The following FRMD3 variants were observed in gnomAD, a reference collection of about 807,000 sequenced individuals.
The protein encoded by FRMD3 is FERM domain-containing protein 3.
FRMD3 carries 33 observed loss-of-function variants against 70.2 expected under a neutral mutation model. The observed-to-expected ratio is 0.47, with a 90% CI of 0.36 to 0.63. The LOEUF (loss-of-function observed/expected upper bound fraction) is 0.63, where lower values mean the gene tolerates loss of function less well. FRMD3 is among the 20% of genes least tolerant of loss of function. FRMD3 has a pLI of 0.00. For missense variants in FRMD3, 632 were observed against 711.4 expected (o/e 0.89, Z 1.27); for synonymous variants, 279 against 255.9 (o/e 1.09, Z -0.86).
chr9:83,341,657 G>A (rs958693704), intron 5 of FRMD3, among the ~76,000 whole-genome samples: 4 of 151,960 alleles, frequency 2.6e-5, no homozygotes, highest in Admixed American at 6.6e-5. Context: ...CTTCAGTGTC[G>A]GTGAAGGGGC....
At chr9:83,267,237 A>G in intron 13 of FRMD3, 1 of 1,521,492 alleles carries the variant, frequency 6.6e-7, no homozygotes, top group Non-Finnish European at 8.9e-7. Flanking sequence ...GGCAGGACCC[A>G]CTGAATGAAT....
rs1273017312 is a variant in FRMD3 at position 83,323,567 on chromosome 9, T to C, written c.597-9820A>G. Among the ~76,000 whole-genome samples, 4 of 152,200 alleles carry C rather than the reference T, an allele frequency of 2.6e-5. No individual in the cohort carries two copies. In the South Asian group the frequency reaches 8.3e-4, roughly 32 times the overall value. On this transcript the variant is annotated intron_variant, in intron 6 of 13. Coordinates refer to ENST00000304195, the MANE Select transcript of FRMD3 (RefSeq NM_174938.6). ...GCTCATGCCCTCTTCATGTGCTGCCTTGCACCACTTCAGGACTCTGCAGAG... is the reference window on the plus strand; with the variant it reads ...GCTCATGCCCTCTTCATGTGCTGCCCTGCACCACTTCAGGACTCTGCAGAG...
intron 1 of FRMD3, among the ~76,000 whole-genome samples, chr9:83,513,639 G>A (rs537493378): frequency 6.6e-6 from 1 of 152,298 alleles, no homozygotes; most frequent in African/African-American, 2.4e-5. Flanking sequence ...TTATCATGAA[G>A]TAGAAAGAAA....
chr9:83,473,648 A>G (rs145754765), intron 1 of FRMD3, among the ~76,000 whole-genome samples: 5 of 152,348 alleles, frequency 3.3e-5, no homozygotes, highest in Non-Finnish European at 7.3e-5. Context: ...ACTTTCGCCA[A>G]CAAGAATAAC....
At chr9:83,486,207 T>C (rs552596738) in intron 1 of FRMD3, among the ~76,000 whole-genome samples, 15 of 152,300 alleles carry the variant, frequency 9.8e-5, no homozygotes, top group Admixed American at 5.2e-4. Context: ...TTTGAGATCA[T>C]TGGAGCTATA....
intron 10 of FRMD3, among the ~76,000 whole-genome samples, chr9:83,307,024 T>A (rs543662098): frequency 3.9e-5 from 6 of 152,182 alleles, no homozygotes; most frequent in Non-Finnish European, 8.8e-5. Context: ...AAAATAGAAA[T>A]CAGATCTAGT....
rs375321466 is a variant in FRMD3 at position 83,347,321 on chromosome 9, A to C, written c.374+2358T>G. ...ATTTTTTTTATATAATAGCTACCAA[A>C]AAATAATGCATCTCCCTTTAGTGTC... On this transcript the variant is annotated intron_variant, in intron 4 of 13. Coordinates refer to ENST00000304195, the MANE Select transcript of FRMD3 (RefSeq NM_174938.6). 3.9e-5 allele frequency among the ~76,000 whole-genome samples: 6 copies of C among 152,346 alleles called. No homozygotes were observed. In the East Asian group the frequency reaches 7.7e-4, roughly 20 times the overall value.
At chr9:83,388,035 C>T (rs563684049) in intron 2 of FRMD3, among the ~76,000 whole-genome samples, 243 of 152,286 alleles carry the variant, frequency 1.6e-3, no homozygotes, top group African/African-American at 5.6e-3. Flanking sequence ...GCCCTGCCAC[C>T]TTCGTCTCAC....
In FRMD3 at chr9:83,370,207, C is replaced by T. The variant is rs560310648; in HGVS notation, c.295+2706G>A. ...CTGGGGCTCTGTGACCAGACTCTTT[C>T]GATAAATTCATGGACAAGTCCCCAG... On this transcript the variant is annotated intron_variant, in intron 3 of 13. Transcript: ENST00000304195. 6.0e-4 allele frequency among the ~76,000 whole-genome samples: 91 copies of T among 152,256 alleles called. 1 individual carries two copies. The South Asian group carries it at 0.017, about 29-fold the overall frequency.
chr9:83,423,907 G>A (rs188712955), intron 1 of FRMD3, among the ~76,000 whole-genome samples: 16 of 152,106 alleles, frequency 1.1e-4, no homozygotes, highest in African/African-American at 3.4e-4. Context: ...TGCTAGCCCT[G>A]TTTCAAGTTC....
intron 3 of FRMD3, among the ~76,000 whole-genome samples, chr9:83,364,923 G>C (rs1344013170): frequency 6.6e-6 from 1 of 152,090 alleles, no homozygotes; most frequent in African/African-American, 2.4e-5. Context: ...CTTTACCATA[G>C]CCCATATTCT....
At chr9:83,297,467 T>C in intron 12 of FRMD3, 2 of 223,624 alleles carry the variant, frequency 8.9e-6, no homozygotes, top group Non-Finnish European at 1.8e-5. Context: ...GAGACTCAAG[T>C]TTCTTTGTCT....
chr9:83,491,046 A>G (rs144853423), intron 1 of FRMD3, among the ~76,000 whole-genome samples: 52 of 152,292 alleles, frequency 3.4e-4, no homozygotes, highest in African/African-American at 1.1e-3. Flanking sequence ...ATATTAGCCT[A>G]TTGAAGTCTC....
chr9:83,435,525 G>A (rs1418525855), intron 1 of FRMD3, among the ~76,000 whole-genome samples: 1 of 151,966 alleles, frequency 6.6e-6, no homozygotes, highest in Non-Finnish European at 1.5e-5. Context: ...TCGTTGAGAA[G>A]GCACAGAGTC....
At chr9:83,496,640 G>A (rs1046951180) in intron 1 of FRMD3, among the ~76,000 whole-genome samples, 17 of 95,698 alleles carry the variant, frequency 1.8e-4, no homozygotes, top group Admixed American at 1.2e-3. Flanking sequence ...CCCCTTGAAA[G>A]CAGATTAAAA....
intron 1 of FRMD3, among the ~76,000 whole-genome samples, chr9:83,478,345 A>G (rs779838225): frequency 6.6e-5 from 10 of 152,194 alleles, no homozygotes; most frequent in South Asian, 2.1e-4. Flanking sequence ...GAACATATGC[A>G]TACTCTTCTA....
At position 83,299,095 on chromosome 9, in the gene FRMD3, G is replaced by T; in HGVS notation, c.1001+17C>A. Reference sequence around the variant, plus strand: ...CCATCCCCACCCCCTCACTGAAATGGAACCATTGGTACCCACCTATATCGA... The same window carrying T: ...CCATCCCCACCCCCTCACTGAAATGTAACCATTGGTACCCACCTATATCGA... On this transcript the variant is annotated intron_variant, in intron 11 of 13. Transcript: ENST00000304195. 3 of 1,570,868 alleles carry T rather than the reference G, an allele frequency of 1.9e-6. No individual in the cohort carries two copies. The highest frequency in any genetic ancestry group is 2.6e-6 in the Non-Finnish European group (3 of 1,141,148).
chr9:83,415,506 G>A (rs978240922), intron 1 of FRMD3, among the ~76,000 whole-genome samples: 36 of 146,544 alleles, frequency 2.5e-4, no homozygotes, highest in East Asian at 4.1e-4. Context: ...GCAGTGGCGC[G>A]ATCTCGGCTC....
intron 1 of FRMD3, among the ~76,000 whole-genome samples, chr9:83,460,819 G>C (rs930959213): frequency 3.3e-5 from 5 of 151,894 alleles, no homozygotes; most frequent in South Asian, 4.2e-4. Context: ...TATAAGCAAA[G>C]TATCCCAATT....
Sources: gnomAD v4.1 joint callset for allele counts (sites outside exome capture counted in the v4.1 genomes callset) on GRCh38, gnomAD v4.1.1 for gene constraint, MANE v1.5 for transcripts, NCBI Gene and HGNC (gene_info 2026-07-23, HGNC 2026-07-21) for gene names.